Variants in LPP observed in about 807,000 individuals in gnomAD.
LPP encodes the protein lipoma-preferred partner.
Under a neutral mutation model 60.4 loss-of-function variants are expected in LPP, and 38 were observed. The ratio of observed to expected loss-of-function variants is 0.63; its 90% confidence interval spans 0.49 to 0.83. LPP has a LOEUF of 0.83. Ranked by LOEUF, LPP falls within the 40% of genes least tolerant of loss-of-function variation. The pLI is 0.00. For missense variants in LPP, 902 were observed against 783.6 expected, an observed-to-expected ratio of 1.15 and a Z score of -1.80; for synonymous variants, 328 against 290.8, an observed-to-expected ratio of 1.13 and a Z score of -1.30.
intron 2 of LPP, among the ~76,000 whole-genome samples, chr3:188,251,770 C>T (rs896155684): frequency 5.9e-5 from 9 of 151,790 alleles, no homozygotes; most frequent in African/African-American, 2.2e-4. Context: ...GTGTCTTTCC[C>T]CTATATCCCA....
intron 7 of LPP, among the ~76,000 whole-genome samples, chr3:188,640,017 G>A (rs1849721045): frequency 6.6e-6 from 1 of 151,828 alleles, no homozygotes. Context: ...CCCATTACTG[G>A]GTATATACCC....
intron 3 of LPP, among the ~76,000 whole-genome samples, chr3:188,347,287 T>G (rs571003587): frequency 6.6e-6 from 1 of 152,304 alleles, no homozygotes; most frequent in East Asian, 1.9e-4. Flanking sequence ...TACTATGGGA[T>G]TTTAGGAAGG....
At chr3:188,738,869 C>T (rs1317278269) in intron 8 of LPP, among the ~76,000 whole-genome samples, 1 of 152,056 alleles carries the variant, frequency 6.6e-6, no homozygotes, top group Non-Finnish European at 1.5e-5. Flanking sequence ...AAATATCGGA[C>T]TCCTTGTGAA....
chr3:188,755,373 A>G (rs1729793898), intron 8 of LPP, among the ~76,000 whole-genome samples: 1 of 152,210 alleles, frequency 6.6e-6, no homozygotes, highest in African/African-American at 2.4e-5. Context: ...CTGCCTCAAA[A>G]CAAGCACTGC....
intron 9 of LPP, among the ~76,000 whole-genome samples, chr3:188,801,943 G>T (rs1295425937): frequency 6.6e-6 from 1 of 152,132 alleles, no homozygotes; most frequent in Non-Finnish European, 1.5e-5. Context: ...GTAACTGCAG[G>T]AATTCAATGT....
rs10579787 is a variant in LPP at position 188,252,031 on chromosome 3, GATATATATATATATAT to G, written c.-67+26534_-67+26549del. On this transcript the variant is annotated intron_variant, in intron 2 of 11. Transcript: ENST00000617246. ...CTTTCTGGTATTTCTTTTTAATCCT[GATATATATATATATAT>G]ATATATATATATATATATATATATA... Among the ~76,000 whole-genome samples, 164 of 41,414 alleles carry G rather than the reference GATATATATATATATAT, an allele frequency of 4.0e-3. 2 individuals are homozygous for G. The highest frequency in any genetic ancestry group is 4.3e-3 in the Non-Finnish European group (97 of 22,748). The allele number at this position is 41,414 out of a possible 152,430, so 27.2% of individuals were successfully genotyped here.
At chr3:188,261,027 AGT>A (rs942952003) in intron 2 of LPP, among the ~76,000 whole-genome samples, 1 of 152,136 alleles carries the variant, frequency 6.6e-6, no homozygotes, top group African/African-American at 2.4e-5. Flanking sequence ...GAGCTGAGAT[AGT>A]GTCACTGCAC....
At chr3:188,623,852 A>G (rs1317467396) in intron 7 of LPP, among the ~76,000 whole-genome samples, 2 of 152,266 alleles carry the variant, frequency 1.3e-5, no homozygotes, top group African/African-American at 2.4e-5. Flanking sequence ...GTGCCAGACA[A>G]TCCTCCTAGT....
intron 6 of LPP, among the ~76,000 whole-genome samples, chr3:188,555,955 A>G (rs541748130): frequency 6.6e-6 from 1 of 152,258 alleles, no homozygotes; most frequent in Admixed American, 6.5e-5. Flanking sequence ...GGAACTATTA[A>G]AGAATGCTTG....
chr3:188,817,600 G>A (rs1446426311), intron 9 of LPP, among the ~76,000 whole-genome samples: 3 of 152,106 alleles, frequency 2.0e-5, no homozygotes, highest in Non-Finnish European at 4.4e-5. Context: ...CATTTGACAA[G>A]CATTTTCACA....
chr3:188,343,880 T>C (rs1305725801), intron 3 of LPP, among the ~76,000 whole-genome samples: 1 of 152,052 alleles, frequency 6.6e-6, no homozygotes, highest in African/African-American at 2.4e-5. Flanking sequence ...AGAATAACAG[T>C]TTCAATAAAT....
chr3:188,360,236 GT>G (rs1768870977), intron 3 of LPP, among the ~76,000 whole-genome samples: 1 of 152,110 alleles, frequency 6.6e-6, no homozygotes, highest in Admixed American at 6.5e-5. Flanking sequence ...AGAAGTTATG[GT>G]TTAGTAAACC....
chr3:188,710,508 G>A (rs1160768241), intron 8 of LPP: 2 of 152,102 alleles, frequency 1.3e-5, no homozygotes, highest in African/African-American at 4.8e-5. Context: ...AATTGATGGA[G>A]ATTAACAACA....
intron 2 of LPP, among the ~76,000 whole-genome samples, chr3:188,232,406 A>G (rs1577424715): frequency 6.6e-6 from 1 of 151,522 alleles, no homozygotes; most frequent in Non-Finnish European, 1.5e-5. Flanking sequence ...GTGCAATGGT[A>G]CAGCTCACTG....
At chr3:188,232,179 A>G (rs1720241612) in intron 2 of LPP, among the ~76,000 whole-genome samples, 1 of 152,160 alleles carries the variant, frequency 6.6e-6, no homozygotes, top group African/African-American at 2.4e-5. Flanking sequence ...AACTAGAAAA[A>G]TTAATGGAAA....
At chr3:188,160,822 G>A (rs1718036015) in intron 1 of LPP, among the ~76,000 whole-genome samples, 1 of 152,238 alleles carries the variant, frequency 6.6e-6, no homozygotes, top group Non-Finnish European at 1.5e-5. Context: ...GAAACTGAAA[G>A]AGAAGATGCT....
chr3:188,410,151 GAC>G (rs753648642), intron 4 of LPP, among the ~76,000 whole-genome samples: 1 of 152,130 alleles, frequency 6.6e-6, no homozygotes, highest in Non-Finnish European at 1.5e-5. Context: ...CAGGATACCT[GAC>G]ACATACTAGG....
intron 7 of LPP, among the ~76,000 whole-genome samples, chr3:188,626,259 T>C (rs1241993414): frequency 6.6e-6 from 1 of 152,178 alleles, no homozygotes; most frequent in Non-Finnish European, 1.5e-5. Context: ...TAGAAAATAC[T>C]ACAAATTTCA....
At chr3:188,832,385 C>T (rs1021197012) in intron 9 of LPP, among the ~76,000 whole-genome samples, 2 of 152,082 alleles carry the variant, frequency 1.3e-5, no homozygotes, top group Non-Finnish European at 2.9e-5. Flanking sequence ...AAATGAATTC[C>T]GCCAATAATC....
Sources: allele counts gnomAD v4.1 joint callset (sites outside exome capture counted in the v4.1 genomes callset), GRCh38; gene constraint gnomAD v4.1.1; transcripts MANE v1.5; gene names NCBI Gene and HGNC (gene_info 2026-07-23, HGNC 2026-07-21).